Variants in PRKCA observed in about 807,000 individuals in gnomAD.
PRKCA encodes the protein protein kinase C alpha.
PRKCA carries 27 observed loss-of-function variants against 87.0 expected under a neutral mutation model. That is an observed-to-expected ratio of 0.31 (90% CI 0.23 to 0.43). PRKCA has a LOEUF of 0.43. Among genes scored for constraint, PRKCA ranks in the 20% least tolerant of loss-of-function variants. PRKCA has a pLI of 1.00. For missense variants in PRKCA, 518 were observed against 852.3 expected (o/e 0.61, Z 4.88); for synonymous variants, 329 against 311.1 (o/e 1.06, Z -0.61).
intron 5 of PRKCA, among the ~76,000 whole-genome samples, chr17:66,675,073 T>G (rs934240023): frequency 2.6e-5 from 4 of 152,222 alleles, no homozygotes; most frequent in African/African-American, 9.7e-5. Context: ...GCTCCAAAAC[T>G]GCCTTAGTCT....
At chr17:66,790,231 T>A (rs927152684) in intron 16 of PRKCA, among the ~76,000 whole-genome samples, 1 of 152,210 alleles carries the variant, frequency 6.6e-6, no homozygotes, top group Non-Finnish European at 1.5e-5. Context: ...ACCCCAAGAA[T>A]AAAACTGCTG....
chr17:66,603,507 C>T (rs1489239395), intron 3 of PRKCA, among the ~76,000 whole-genome samples: 3 of 152,136 alleles, frequency 2.0e-5, no homozygotes, highest in African/African-American at 7.2e-5. Context: ...AGCGAGCACT[C>T]GGAGATGCTT....
intron 2 of PRKCA, among the ~76,000 whole-genome samples, chr17:66,438,132 C>T (rs778909097): frequency 1.3e-5 from 2 of 152,210 alleles, no homozygotes; most frequent in African/African-American, 2.4e-5. Flanking sequence ...CTGTTCTGAA[C>T]GGGTCCCCCT....
chr17:66,702,247 AAAAG>A (rs1243346886), intron 8 of PRKCA, among the ~76,000 whole-genome samples: 1 of 152,142 alleles, frequency 6.6e-6, no homozygotes, highest in Admixed American at 6.5e-5. Context: ...TGAGTCTTTA[AAAAG>A]AAGAAACATT....
intron 3 of PRKCA, among the ~76,000 whole-genome samples, chr17:66,632,145 G>A (rs1184628557): frequency 6.6e-6 from 1 of 152,180 alleles, no homozygotes. Flanking sequence ...GTCTCATGAA[G>A]CAGCCGGAAT....
intron 2 of PRKCA, among the ~76,000 whole-genome samples, chr17:66,338,574 T>A (rs1290050789): frequency 6.6e-6 from 1 of 152,100 alleles, no homozygotes. Context: ...GGACTTAACA[T>A]TCCCCCCCAC....
chr17:66,306,162 A>G, intron 2 of PRKCA, 35 bp downstream of exon 2: 1 of 1,584,746 alleles, frequency 6.3e-7, no homozygotes, highest in South Asian at 1.1e-5. Flanking sequence ...TTTCAAGCAC[A>G]ACATGAAATA....
intron 5 of PRKCA, among the ~76,000 whole-genome samples, chr17:66,686,587 C>G (rs551296381): frequency 6.6e-6 from 1 of 152,248 alleles, no homozygotes; most frequent in South Asian, 2.1e-4. Context: ...CTCCCCCATT[C>G]CCCAACCCCC....
At chr17:66,362,479 A>C (rs1399217822) in intron 2 of PRKCA, among the ~76,000 whole-genome samples, 1 of 152,020 alleles carries the variant, frequency 6.6e-6, no homozygotes, top group Non-Finnish European at 1.5e-5. Flanking sequence ...CACGATTTCC[A>C]ATGTTCAATG....
chr17:66,726,689 C>G (rs1474731594), intron 8 of PRKCA, among the ~76,000 whole-genome samples: 1 of 149,464 alleles, frequency 6.7e-6, no homozygotes, highest in Non-Finnish European at 1.5e-5. Context: ...TTCTCTCTGT[C>G]GTGTGGGAAG....
chr17:66,424,424 C>T (rs1183624441), intron 2 of PRKCA, among the ~76,000 whole-genome samples: 1 of 151,922 alleles, frequency 6.6e-6, no homozygotes, highest in Non-Finnish European at 1.5e-5. Flanking sequence ...AAAAATCAGC[C>T]AGGCATGATG....
At chr17:66,354,634 C>G (rs546003126) in intron 2 of PRKCA, among the ~76,000 whole-genome samples, 1 of 152,286 alleles carries the variant, frequency 6.6e-6, no homozygotes, top group African/African-American at 2.4e-5. Flanking sequence ...AGGGCTGCCC[C>G]CTTTTCCTGC....
intron 8 of PRKCA, among the ~76,000 whole-genome samples, chr17:66,718,124 A>G (rs549884416): frequency 3.9e-5 from 6 of 152,268 alleles, no homozygotes; most frequent in Admixed American, 1.3e-4. Context: ...CTGCTATAGC[A>G]AAATACCATA....
intron 2 of PRKCA, among the ~76,000 whole-genome samples, chr17:66,332,894 T>C (rs1429139205): frequency 6.6e-6 from 1 of 152,152 alleles, no homozygotes; most frequent in Non-Finnish European, 1.5e-5. Context: ...GGTTTCACCA[T>C]GTTAGCCAGG....
At chr17:66,762,214 C>G (rs1438396645) in intron 13 of PRKCA, among the ~76,000 whole-genome samples, 2 of 152,210 alleles carry the variant, frequency 1.3e-5, no homozygotes, top group Non-Finnish European at 2.9e-5. Flanking sequence ...CCTCTGTCCC[C>G]CTCTGAGCCA....
intron 2 of PRKCA, among the ~76,000 whole-genome samples, chr17:66,444,134 A>G (rs1024351413): frequency 4.6e-5 from 7 of 152,210 alleles, no homozygotes; most frequent in African/African-American, 1.7e-4. Context: ...AGCTGAGTAA[A>G]TACTCATGGA....
At chr17:66,476,975 C>T (rs1406221971) in intron 2 of PRKCA, among the ~76,000 whole-genome samples, 1 of 152,186 alleles carries the variant, frequency 6.6e-6, no homozygotes, top group Non-Finnish European at 1.5e-5. Context: ...ATGCTAATTT[C>T]CATTTTAGAG....
At chr17:66,618,971 A>G (rs991163078) in intron 3 of PRKCA, among the ~76,000 whole-genome samples, 3 of 152,158 alleles carry the variant, frequency 2.0e-5, no homozygotes, top group Non-Finnish European at 4.4e-5. Flanking sequence ...AGGAGGGGGA[A>G]CCCATATAAG....
intron 8 of PRKCA, among the ~76,000 whole-genome samples, chr17:66,691,657 G>T (rs914782821): frequency 2.0e-5 from 3 of 152,188 alleles, no homozygotes; most frequent in African/African-American, 7.2e-5. Flanking sequence ...CTGAGTGCCA[G>T]CATTCTTCAG....
Sources: gnomAD v4.1 joint callset for allele counts (sites outside exome capture counted in the v4.1 genomes callset) on GRCh38, gnomAD v4.1.1 for gene constraint, MANE v1.5 for transcripts, NCBI Gene and HGNC (gene_info 2026-07-23, HGNC 2026-07-21) for gene names.